Variants in ST7 observed in about 807,000 individuals in gnomAD.
ST7 encodes suppression of tumorigenicity 7.
Under a neutral mutation model 78.7 loss-of-function variants are expected in ST7, and 28 were observed. The ratio of observed to expected loss-of-function variants is 0.36; its 90% CI spans 0.26 to 0.49. The LOEUF is 0.49. Among genes scored for constraint, ST7 ranks in the 20% least tolerant of loss-of-function variants. The probability of loss-of-function intolerance (pLI) is 0.99; values close to 1 mark genes in which losing one functional copy is unlikely to be tolerated. For synonymous variants in ST7, 247 were observed against 249.6 expected (o/e 0.99, Z 0.10); for missense variants, 418 against 696.0 (o/e 0.60, Z 4.49).
intron 1 of ST7, among the ~76,000 whole-genome samples, chr7:117,040,327 G>A (rs1371290153): frequency 1.3e-5 from 2 of 151,850 alleles, no homozygotes; most frequent in African/African-American, 4.8e-5. Context: ...AGCCGAAATC[G>A]CAGCCACTGC....
chr7:116,984,889 G>A (rs1406182356), intron 1 of ST7, among the ~76,000 whole-genome samples: 7 of 152,072 alleles, frequency 4.6e-5, no homozygotes, highest in South Asian at 2.1e-4. Context: ...TAGTCATGAC[G>A]TGATTATTAA....
chr7:117,226,108 C>T (rs1187170668), intron 15 of ST7, among the ~76,000 whole-genome samples: 1 of 152,134 alleles, frequency 6.6e-6, no homozygotes, highest in African/African-American at 2.4e-5. Flanking sequence ...TCCTCGACCT[C>T]TTTGAAGCCT....
At chr7:117,151,472 T>G (rs775364558) in intron 9 of ST7, among the ~76,000 whole-genome samples, 11 of 152,208 alleles carry the variant, frequency 7.2e-5, no homozygotes, top group Non-Finnish European at 1.2e-4. Context: ...GGAATAGCAC[T>G]TTAGAGTGGA....
chr7:117,076,166 A>C (rs552110874), intron 1 of ST7, among the ~76,000 whole-genome samples: 51 of 152,334 alleles, frequency 3.3e-4, no homozygotes, highest in Non-Finnish European at 6.0e-4. Context: ...AATACTTGCC[A>C]CCTTAGTGAT....
chr7:116,979,031 A>G (rs995359646), intron 1 of ST7, among the ~76,000 whole-genome samples: 2 of 152,212 alleles, frequency 1.3e-5, no homozygotes, highest in African/African-American at 2.4e-5. Flanking sequence ...GGGAGCCATG[A>G]CCATCCTTGG....
chr7:117,031,870 C>A (rs368626205), intron 1 of ST7, among the ~76,000 whole-genome samples: 35,600 of 63,922 alleles, frequency 0.56, 9,720 homozygotes, highest in South Asian at 0.69. Context: ...ATCTATCTAT[C>A]TATATATATA....
intron 1 of ST7, among the ~76,000 whole-genome samples, chr7:116,982,708 A>G (rs1794011967): frequency 6.6e-6 from 1 of 152,108 alleles, no homozygotes; most frequent in Non-Finnish European, 1.5e-5. Context: ...TTCCTGTTCC[A>G]TTCTTGGAAT....
At chr7:117,052,948 A>G (rs1439197412) in intron 1 of ST7, among the ~76,000 whole-genome samples, 2 of 152,182 alleles carry the variant, frequency 1.3e-5, no homozygotes, top group Non-Finnish European at 2.9e-5. Context: ...GTGTTGCTTC[A>G]TACTTTATGT....
At chr7:117,161,493 T>C (rs908463049) in intron 9 of ST7, among the ~76,000 whole-genome samples, 1 of 151,874 alleles carries the variant, frequency 6.6e-6, no homozygotes, top group Admixed American at 6.6e-5. Flanking sequence ...AATAAAATAA[T>C]ATAGATAAAG....
intron 1 of ST7, among the ~76,000 whole-genome samples, chr7:116,979,879 A>C (rs1793870053): frequency 6.6e-6 from 1 of 150,932 alleles, no homozygotes; most frequent in African/African-American, 2.4e-5. Flanking sequence ...ACCATGCTCC[A>C]TTCAAAGTAT....
intron 1 of ST7, among the ~76,000 whole-genome samples, chr7:117,096,413 G>A (rs1801048142): frequency 6.6e-6 from 1 of 152,140 alleles, no homozygotes; most frequent in African/African-American, 2.4e-5. Context: ...ATAAAAATAA[G>A]TACAATGTTA....
chr7:117,192,037 A>G (rs959159181), intron 12 of ST7, among the ~76,000 whole-genome samples: 2 of 152,204 alleles, frequency 1.3e-5, no homozygotes, highest in African/African-American at 4.8e-5. Context: ...ACTATGCCAC[A>G]TTTGCATAAG....
intron 9 of ST7, among the ~76,000 whole-genome samples, chr7:117,155,598 G>A (rs1806629881): frequency 6.6e-6 from 1 of 152,168 alleles, no homozygotes; most frequent in Non-Finnish European, 1.5e-5. Context: ...CCTACCCTTG[G>A]TTCATAGGCC....
intron 10 of ST7, among the ~76,000 whole-genome samples, chr7:117,176,312 C>A (rs1808341781): frequency 6.6e-6 from 1 of 152,134 alleles, no homozygotes; most frequent in South Asian, 2.1e-4. Context: ...TTTACTGATG[C>A]CATCAAGCCC....
At chr7:117,000,600 G>A (rs971768887) in intron 1 of ST7, among the ~76,000 whole-genome samples, 2 of 152,190 alleles carry the variant, frequency 1.3e-5, no homozygotes, top group African/African-American at 4.8e-5. Flanking sequence ...TGCATCTCCA[G>A]TTACTTCTGT....
chr7:117,083,842 G>C (rs75026136), intron 1 of ST7, among the ~76,000 whole-genome samples: 47 of 150,570 alleles, frequency 3.1e-4, no homozygotes, highest in African/African-American at 1.1e-3. Flanking sequence ...TGAGCATATG[G>C]AGGCAGCACT....
At chr7:117,163,922 A>C (rs2117228473) in intron 9 of ST7, among the ~76,000 whole-genome samples, 1 of 152,180 alleles carries the variant, frequency 6.6e-6, no homozygotes, top group East Asian at 1.9e-4. Context: ...ATAGTCTTGG[A>C]CCTTACATTG....
At chr7:117,137,127 C>T (rs1032108988) in intron 8 of ST7, 1 of 151,940 alleles carries the variant, frequency 6.6e-6, no homozygotes, top group African/African-American at 2.4e-5. Flanking sequence ...AGGGATGTAT[C>T]TCCTTCATAT....
intron 1 of ST7, among the ~76,000 whole-genome samples, chr7:117,077,942 C>A (rs1348553119): frequency 6.6e-6 from 1 of 150,750 alleles, no homozygotes; most frequent in Non-Finnish European, 1.5e-5. Context: ...TGAGATTAGC[C>A]CTTTGTGATA....
Sources: gnomAD v4.1 joint callset for allele counts (sites outside exome capture counted in the v4.1 genomes callset) on GRCh38, gnomAD v4.1.1 for gene constraint, MANE v1.5 for transcripts, NCBI Gene and HGNC (gene_info 2026-07-23, HGNC 2026-07-21) for gene names.